Variants in SGMS2 observed in about 807,000 individuals in gnomAD.
SGMS2 encodes sphingomyelin synthase 2.
SGMS2 carries 21 observed loss-of-function variants against 43.8 expected under a neutral mutation model. The observed-to-expected ratio is 0.48, with a 90% CI of 0.34 to 0.69. The LOEUF is 0.69. SGMS2 is among the 30% of genes least tolerant of loss of function. The pLI is 0.01. For synonymous variants in SGMS2, 167 were observed against 160.6 expected, an observed-to-expected ratio of 1.04 and a Z score of -0.30; for missense variants, 384 against 443.2, an observed-to-expected ratio of 0.87 and a Z score of 1.20.
intron 2 of SGMS2, among the ~76,000 whole-genome samples, chr4:107,883,508 G>T (rs778155598): frequency 3.3e-5 from 5 of 152,060 alleles, no homozygotes; most frequent in Non-Finnish European, 7.4e-5. Flanking sequence ...TAGAGATAGG[G>T]TTTTGCCATG....
At chr4:107,906,529 C>G (rs898775172) in intron 5 of SGMS2, among the ~76,000 whole-genome samples, 2 of 152,176 alleles carry the variant, frequency 1.3e-5, no homozygotes, top group African/African-American at 2.4e-5. Context: ...TCCACACAGA[C>G]AGTGATGTTA....
chr4:107,874,410 C>T (rs1383231668), intron 2 of SGMS2, among the ~76,000 whole-genome samples: 3 of 152,120 alleles, frequency 2.0e-5, no homozygotes, highest in Non-Finnish European at 4.4e-5. Flanking sequence ...GAGAGAAATG[C>T]GCCATTCCCT....
intron 2 of SGMS2, among the ~76,000 whole-genome samples, chr4:107,875,853 T>C (rs1728877198): frequency 6.6e-6 from 1 of 152,154 alleles, no homozygotes; most frequent in African/African-American, 2.4e-5. Flanking sequence ...TCTCTATTTT[T>C]TCCTTTCCTT....
chr4:107,836,908 T>C (rs1726217803), intron 1 of SGMS2, among the ~76,000 whole-genome samples: 1 of 151,922 alleles, frequency 6.6e-6, no homozygotes, highest in Non-Finnish European at 1.5e-5. Context: ...GGGGGAAAAA[T>C]AACTCAGTGC....
At chr4:107,892,825 G>A (rs1481795558) in intron 2 of SGMS2, among the ~76,000 whole-genome samples, 1 of 151,994 alleles carries the variant, frequency 6.6e-6, no homozygotes, top group Non-Finnish European at 1.5e-5. Context: ...AGAATGGGAG[G>A]CAGGTTTGCC....
At chr4:107,908,311 A>C in intron 5 of SGMS2, 5 of 373,152 alleles carry the variant, frequency 1.3e-5, no homozygotes, top group East Asian at 4.3e-5. Context: ...TCACGTGGGT[A>C]AGGCCTAGAA....
intron 4 of SGMS2, 107 bp from the exon 5 acceptor site, chr4:107,903,126 A>G (rs1731264348): frequency 2.0e-6 from 2 of 992,542 alleles, no homozygotes; most frequent in South Asian, 3.0e-5. Context: ...GGTTAAAAAG[A>G]AAAAAAAAAT....
At chr4:107,890,046 C>G (rs759670626) in intron 2 of SGMS2, among the ~76,000 whole-genome samples, 9 of 152,078 alleles carry the variant, frequency 5.9e-5, no homozygotes, top group Non-Finnish European at 8.8e-5. Context: ...TTTTTTAAAA[C>G]AAAGACATTT....
At chr4:107,833,213 A>G (rs1280755722) in intron 1 of SGMS2, among the ~76,000 whole-genome samples, 1 of 152,176 alleles carries the variant, frequency 6.6e-6, no homozygotes, top group East Asian at 1.9e-4. Context: ...CTGTCCTAAC[A>G]GCATTCTTTT....
Position 107,910,718 on chromosome 4 carries a change from TTTC to T in SGMS2, c.*172_*174del. On this transcript the variant is annotated 3_prime_UTR_variant, in exon 7 of 7. Transcript: ENST00000690982. Reference sequence around the variant, plus strand: ...AACAAAGTATTGCCCTTTGACTGGTTTTCTTCTTCATCCTGAGAAAGATACATT... The same window carrying T: ...AACAAAGTATTGCCCTTTGACTGGTTTTCTTCATCCTGAGAAAGATACATT... 1.6e-6 allele frequency: 1 copy of T among 629,234 alleles called. No homozygotes were observed. Among genetic ancestry groups the T allele is most frequent in the Admixed American group, 3.1e-5 (1 of 32,674 alleles). 39.0% of individuals were successfully genotyped at this position (629,234 alleles called of 1,614,324 possible).
intron 2 of SGMS2, among the ~76,000 whole-genome samples, chr4:107,876,598 A>T (rs1728928408): frequency 6.6e-6 from 1 of 152,216 alleles, no homozygotes; most frequent in South Asian, 2.1e-4. Context: ...TGAAATATAT[A>T]CACTGGTCTC....
chr4:107,888,798 T>C (rs1578619930), intron 2 of SGMS2, among the ~76,000 whole-genome samples: 1 of 152,260 alleles, frequency 6.6e-6, no homozygotes, highest in African/African-American at 2.4e-5. Flanking sequence ...ATCCAAATAA[T>C]GAAATATCTA....
intron 4 of SGMS2, among the ~76,000 whole-genome samples, chr4:107,901,786 A>G (rs1731128514): frequency 6.6e-6 from 1 of 152,024 alleles, no homozygotes; most frequent in Admixed American, 6.6e-5. Context: ...TTGCAAACCT[A>G]TTTTTCCACA....
At chr4:107,878,848 A>G (rs1291384633) in intron 2 of SGMS2, among the ~76,000 whole-genome samples, 1 of 152,200 alleles carries the variant, frequency 6.6e-6, no homozygotes, top group Non-Finnish European at 1.5e-5. Flanking sequence ...TAAAAAAAGA[A>G]GCCAGATTTT....
chr4:107,901,386 A>G (rs755757875), intron 4 of SGMS2, among the ~76,000 whole-genome samples: 2 of 152,170 alleles, frequency 1.3e-5, no homozygotes, highest in African/African-American at 2.4e-5. Flanking sequence ...TTAGATTTTT[A>G]TGGTTACAAA....
intron 1 of SGMS2, among the ~76,000 whole-genome samples, chr4:107,832,029 C>T (rs1414191690): frequency 2.6e-5 from 4 of 152,122 alleles, no homozygotes; most frequent in African/African-American, 7.2e-5. Context: ...CTACTGTCCT[C>T]GCCAGTGCTG....
chr4:107,869,266 GAT>G (rs1728372587), intron 2 of SGMS2, among the ~76,000 whole-genome samples: 1 of 152,132 alleles, frequency 6.6e-6, no homozygotes, highest in Admixed American at 6.6e-5. Flanking sequence ...TTTGTTGGAG[GAT>G]ATGACATCTG....
chr4:107,900,836 T>A (rs184657833), intron 4 of SGMS2, among the ~76,000 whole-genome samples: 1 of 152,332 alleles, frequency 6.6e-6, no homozygotes, highest in East Asian at 1.9e-4. Flanking sequence ...GGAGAAGCTA[T>A]ACTTTTCCAA....
At chr4:107,856,885 A>G (rs570751431) in intron 1 of SGMS2, among the ~76,000 whole-genome samples, 1 of 152,334 alleles carries the variant, frequency 6.6e-6, no homozygotes, top group East Asian at 1.9e-4. Context: ...TTCACATACC[A>G]TAAAACTGGC....
Sources: gnomAD v4.1 joint callset for allele counts (sites outside exome capture counted in the v4.1 genomes callset) on GRCh38, gnomAD v4.1.1 for gene constraint, MANE v1.5 for transcripts, NCBI Gene and HGNC (gene_info 2026-07-23, HGNC 2026-07-21) for gene names.